The following ANO10 variants were observed in gnomAD, a reference collection of about 807,000 sequenced individuals.
ANO10 encodes the protein anoctamin-10.
Under a neutral mutation model 74.7 loss-of-function variants are expected in ANO10, and 77 were observed. That is an observed-to-expected ratio of 1.03 (90% CI 0.86 to 1.25). The LOEUF (loss-of-function observed/expected upper bound fraction) is 1.25, where lower values mean the gene tolerates loss of function less well. Ranked by LOEUF, ANO10 falls within the 50% of genes most tolerant of loss-of-function variation. The pLI, the probability that ANO10 is intolerant of heterozygous loss-of-function variation, is 0.00. For synonymous variants in ANO10, 279 were observed against 284.9 expected, an observed-to-expected ratio of 0.98 and a Z score of 0.21; for missense variants, 721 against 778.1, an observed-to-expected ratio of 0.93 and a Z score of 0.87.
At chr3:43,367,241 C>T (rs1231857583) in intron 12 of ANO10, among the ~76,000 whole-genome samples, 1 of 152,186 alleles carries the variant, frequency 6.6e-6, no homozygotes. Flanking sequence ...GCGTCTCCTC[C>T]TCCCTGGATG....
Position 43,580,215 on chromosome 3 carries a change from T to C in ANO10, c.592+138A>G, listed in dbSNP as rs745793921. ...ACCTATCTTATTCCCTCCATCAAAA[T>C]GTTTTCCCACATGTAGCTGGTGATC... is the stretch of plus-strand genomic sequence containing the variant. On this transcript the variant is annotated intron_variant, in intron 5 of 12. Transcript: ENST00000292246. 110 of 1,176,694 alleles carry C rather than the reference T, an allele frequency of 9.3e-5. 1 individual carries two copies. Among genetic ancestry groups the C allele is most frequent in the Non-Finnish European group, 1.2e-4 (94 of 799,074 alleles). 72.9% of individuals were successfully genotyped at this position (1,176,694 alleles called of 1,614,324 possible). A position where few individuals can be genotyped will look rare whatever the true frequency, so the allele number is the denominator to read the frequency against.
chr3:43,478,306 A>C (rs1279431097), intron 11 of ANO10, among the ~76,000 whole-genome samples: 1 of 152,206 alleles, frequency 6.6e-6, no homozygotes, highest in Non-Finnish European at 1.5e-5. Context: ...CAACCTAAAA[A>C]ACAGCAGCCA....
chr3:43,542,292 T>A (rs559139781), intron 11 of ANO10, among the ~76,000 whole-genome samples: 49 of 151,830 alleles, frequency 3.2e-4, no homozygotes, highest in Non-Finnish European at 5.3e-4. Context: ...TGATGAGGGA[T>A]GAATGAGAGG....
At chr3:43,414,872 C>T (rs527664389) in intron 12 of ANO10, among the ~76,000 whole-genome samples, 5 of 151,228 alleles carry the variant, frequency 3.3e-5, no homozygotes, top group Non-Finnish European at 5.9e-5. Context: ...CATTCTGCAT[C>T]TTCCTAATTG....
intron 12 of ANO10, among the ~76,000 whole-genome samples, chr3:43,377,585 G>A (rs2091844011): frequency 6.6e-6 from 1 of 152,296 alleles, no homozygotes; most frequent in South Asian, 2.1e-4. Context: ...GACCCAGAGA[G>A]GTCTGTGACC....
At chr3:43,487,292 T>G (rs1276849214) in intron 11 of ANO10, among the ~76,000 whole-genome samples, 6 of 152,174 alleles carry the variant, frequency 3.9e-5, no homozygotes, top group African/African-American at 1.4e-4. Flanking sequence ...CTGCCTGACT[T>G]TGGTATCAGA....
At chr3:43,478,772 TAATA>T (rs2076165365) in intron 11 of ANO10, among the ~76,000 whole-genome samples, 1 of 152,212 alleles carries the variant, frequency 6.6e-6, no homozygotes. Flanking sequence ...GATAATTCAA[TAATA>T]AATTGACTGT....
intron 1 of ANO10, among the ~76,000 whole-genome samples, chr3:43,606,164 G>A (rs1040365809): frequency 1.3e-5 from 2 of 152,162 alleles, no homozygotes; most frequent in African/African-American, 2.4e-5. Context: ...GAATAAGAAA[G>A]TATTTTCAAA....
At chr3:43,585,667 T>A (rs1049398836) in intron 4 of ANO10, among the ~76,000 whole-genome samples, 1 of 152,148 alleles carries the variant, frequency 6.6e-6, no homozygotes, top group Non-Finnish European at 1.5e-5. Flanking sequence ...ACATTATCAA[T>A]GTGGATGAAA....
chr3:43,591,912 T>C (rs2081786706), intron 4 of ANO10, among the ~76,000 whole-genome samples: 1 of 152,190 alleles, frequency 6.6e-6, no homozygotes, highest in Non-Finnish European at 1.5e-5. Context: ...CACTGCACTT[T>C]TCCAATGGTC....
intron 12 of ANO10, among the ~76,000 whole-genome samples, chr3:43,393,160 C>T (rs34557672): frequency 6.6e-6 from 1 of 152,106 alleles, no homozygotes; most frequent in African/African-American, 2.4e-5. Flanking sequence ...GAATTCTACA[C>T]TCACATAACC....
intron 7 of ANO10, among the ~76,000 whole-genome samples, chr3:43,566,273 T>C (rs960268648): frequency 6.6e-6 from 1 of 152,214 alleles, no homozygotes; most frequent in African/African-American, 2.4e-5. Context: ...GCGCCCGCCA[T>C]TGCCCAGGCT....
intron 11 of ANO10, among the ~76,000 whole-genome samples, chr3:43,523,366 T>C (rs1320184104): frequency 2.0e-5 from 3 of 152,120 alleles, no homozygotes; most frequent in Non-Finnish European, 2.9e-5. Flanking sequence ...CTGAAAATGG[T>C]AGAGAGGCAG....
chr3:43,683,560 A>G (rs547112299), intron 1 of ANO10, among the ~76,000 whole-genome samples: 45 of 152,346 alleles, frequency 3.0e-4, no homozygotes, highest in African/African-American at 1.1e-3. Flanking sequence ...GACTTTCTTC[A>G]CAGAATTGGA....
At chr3:43,528,064 G>T (rs997161084) in intron 11 of ANO10, among the ~76,000 whole-genome samples, 3 of 151,924 alleles carry the variant, frequency 2.0e-5, no homozygotes, top group Admixed American at 1.3e-4. Context: ...GAAGATACTC[G>T]TTAAAAGAAA....
In ANO10 at chr3:43,561,297, C is replaced by T. The variant is rs746039090; in HGVS notation, c.1399G>A (p.Val467Met). The T allele has an allele frequency of 5.6e-6, 9 of 1,614,160 alleles. No individual in the cohort carries two copies. The highest frequency in any genetic ancestry group is 7.6e-6 in the Non-Finnish European group (9 of 1,180,024). Residue 467 changes from valine to methionine, a missense_variant, in exon 9 of 13, where the codon GTG becomes ATG. By Grantham distance (21) the Val-to-Met change is conservative. Coordinates refer to ENST00000292246, the MANE Select transcript of ANO10 (RefSeq NM_018075.5). ...TCAATGTCTGCCTTTAAAGCCTGCA[C>T]CTTCCTCTTCACCCGCACACCATGC... ...RKHGVRVKRK[V>M]QALKADIDAT...
At chr3:43,548,901 G>A (rs1316979013) in intron 11 of ANO10, among the ~76,000 whole-genome samples, 1 of 152,106 alleles carries the variant, frequency 6.6e-6, no homozygotes, top group Non-Finnish European at 1.5e-5. Context: ...AGCCTGCTTG[G>A]GCTTTGCATG....
chr3:43,455,486 G>C (rs1025880120), intron 11 of ANO10, among the ~76,000 whole-genome samples: 2 of 151,960 alleles, frequency 1.3e-5, no homozygotes, highest in Non-Finnish European at 2.9e-5. Context: ...GCAGAGAGAG[G>C]GGGTGAGTCA....
At position 43,593,819 on chromosome 3, in the gene ANO10, T is replaced by C. The variant is rs146421283; in HGVS notation, c.472+4713A>G. Among the ~76,000 whole-genome samples the C allele has an allele frequency of 4.9e-3, 741 of 152,252 alleles. 6 individuals carry two copies. Among genetic ancestry groups the C allele is most frequent in the African/African-American group, 0.017 (701 of 41,534 alleles). ...CAATTAAAAGACACAGACTGGCAAA[T>C]TGGATAAAGAGTCGAGACCCATCAG... On this transcript the variant is annotated intron_variant, in intron 4 of 12. Transcript: ENST00000292246.
Sources: gnomAD v4.1 joint callset for allele counts (sites outside exome capture counted in the v4.1 genomes callset) on GRCh38, gnomAD v4.1.1 for gene constraint, MANE v1.5 for transcripts, NCBI Gene and HGNC (gene_info 2026-07-23, HGNC 2026-07-21) for gene names.